The following SOX5 variants were observed in gnomAD, a reference collection of about 807,000 sequenced individuals.
SOX5 encodes transcription factor SOX-5.
SOX5 carries 9 observed loss-of-function variants against 92.0 expected under a neutral mutation model. The ratio of observed to expected loss-of-function variants is 0.10; its 90% CI spans 0.06 to 0.17. The LOEUF is 0.17. Among genes scored for constraint, SOX5 ranks in the 10% least tolerant of loss-of-function variants. The pLI is 1.00. For synonymous variants in SOX5, 344 were observed against 336.3 expected (o/e 1.02, Z -0.25); for missense variants, 642 against 944.5 (o/e 0.68, Z 4.20).
intron 1 of SOX5, among the ~76,000 whole-genome samples, chr12:24,434,010 T>A (rs1938913744): frequency 6.6e-6 from 1 of 152,154 alleles, no homozygotes; most frequent in South Asian, 2.1e-4. Context: ...AATGCTCAGG[T>A]AAGCAGAAAA....
chr12:24,026,339 A>T (rs1954863366), intron 4 of SOX5, among the ~76,000 whole-genome samples: 1 of 152,070 alleles, frequency 6.6e-6, no homozygotes, highest in Non-Finnish European at 1.5e-5. Flanking sequence ...GATATCCAAG[A>T]ACTTTTTAAA....
intron 1 of SOX5, among the ~76,000 whole-genome samples, chr12:24,371,336 A>G (rs764325741): frequency 6.6e-6 from 1 of 152,188 alleles, no homozygotes; most frequent in Non-Finnish European, 1.5e-5. Context: ...TCGGAGACAG[A>G]TTTTTCCCCC....
At chr12:24,471,252 A>G (rs1047405568) in intron 1 of SOX5, among the ~76,000 whole-genome samples, 8 of 152,212 alleles carry the variant, frequency 5.3e-5, no homozygotes, top group African/African-American at 1.7e-4. Flanking sequence ...TTTAAACTTT[A>G]GTTAACCAGA....
At chr12:24,371,953 A>C (rs1234603111) in intron 1 of SOX5, among the ~76,000 whole-genome samples, 4 of 151,720 alleles carry the variant, frequency 2.6e-5, no homozygotes, top group African/African-American at 9.7e-5. Flanking sequence ...ATGCCACTGC[A>C]CTCTAGCGTG....
At chr12:24,125,462 T>C (rs914536091) in intron 4 of SOX5, among the ~76,000 whole-genome samples, 1 of 152,214 alleles carries the variant, frequency 6.6e-6, no homozygotes, top group Non-Finnish European at 1.5e-5. Flanking sequence ...TCTGTGGTAA[T>C]ACATTGCTAA....
At chr12:24,448,216 A>C (rs1214939950) in intron 1 of SOX5, among the ~76,000 whole-genome samples, 1 of 152,194 alleles carries the variant, frequency 6.6e-6, no homozygotes, top group African/African-American at 2.4e-5. Context: ...ATGTCATATG[A>C]GATGCAACTA....
At chr12:24,364,780 T>C (rs941536041) in intron 2 of SOX5, among the ~76,000 whole-genome samples, 3 of 152,072 alleles carry the variant, frequency 2.0e-5, no homozygotes, top group East Asian at 1.9e-4. Flanking sequence ...TGTAAACATA[T>C]GTTGTAACCT....
Position 24,171,734 on chromosome 12 carries a change from A to T in SOX5, c.-2+41609T>A, listed in dbSNP as rs139751232. ...ACCCTTTGGCCAGGTGCAGTGGCTC[A>T]TGCCTGTAATCTCAGCACATTGGGA... On this transcript the variant is annotated intron_variant, in intron 4 of 4. Coordinates refer to the SOX5 transcript ENST00000446891. Among the ~76,000 whole-genome samples the T allele has an allele frequency of 6.5e-3, 997 of 152,236 alleles. 14 individuals are homozygous for T. Among genetic ancestry groups the T allele is most frequent in the Non-Finnish European group, 8.0e-3 (544 of 68,014 alleles).
At chr12:24,126,919 T>G (rs1479292808) in intron 4 of SOX5, among the ~76,000 whole-genome samples, 1 of 152,208 alleles carries the variant, frequency 6.6e-6, no homozygotes, top group Non-Finnish European at 1.5e-5. Context: ...AACTACATCC[T>G]GTTTCAGATC....
intron 1 of SOX5, among the ~76,000 whole-genome samples, chr12:24,559,274 A>G (rs1954109422): frequency 6.6e-6 from 1 of 152,210 alleles, no homozygotes; most frequent in Non-Finnish European, 1.5e-5. Flanking sequence ...TCAAAACTCC[A>G]ATTATAGCAT....
At chr12:24,361,000 GAC>G (rs1329880777) in intron 2 of SOX5, among the ~76,000 whole-genome samples, 4 of 152,194 alleles carry the variant, frequency 2.6e-5, no homozygotes, top group South Asian at 4.1e-4. Context: ...AGACGCTGAT[GAC>G]ACACTAAACA....
intron 4 of SOX5, among the ~76,000 whole-genome samples, chr12:24,196,735 C>T (rs1957046023): frequency 6.6e-6 from 1 of 152,034 alleles, no homozygotes; most frequent in South Asian, 2.1e-4. Context: ...AAAACTCCAT[C>T]TCAACAAAAA....
chr12:23,745,223 C>T (rs2093941128), intron 4 of SOX5, among the ~76,000 whole-genome samples: 1 of 152,128 alleles, frequency 6.6e-6, no homozygotes, highest in African/African-American at 2.4e-5. Context: ...TTAGAGAGAG[C>T]ACTTTTTCCA....
chr12:23,622,399 A>G (rs563138560), intron 8 of SOX5, among the ~76,000 whole-genome samples: 30 of 152,254 alleles, frequency 2.0e-4, no homozygotes, highest in Admixed American at 1.7e-3. Context: ...TTTTAAAAAA[A>G]TCTAATATTT....
intron 4 of SOX5, among the ~76,000 whole-genome samples, chr12:24,174,736 G>A (rs1022982139): frequency 2.0e-5 from 3 of 151,912 alleles, no homozygotes; most frequent in African/African-American, 4.8e-5. Context: ...AAGGAGAATC[G>A]CTTGAACCAG....
At chr12:23,981,897 C>A (rs1044503304) in intron 4 of SOX5, among the ~76,000 whole-genome samples, 2 of 152,082 alleles carry the variant, frequency 1.3e-5, no homozygotes, top group Non-Finnish European at 2.9e-5. Flanking sequence ...GTTCTTTACA[C>A]ACTGATATGT....
At chr12:24,078,270 G>A (rs1942896284) in intron 4 of SOX5, among the ~76,000 whole-genome samples, 1 of 151,990 alleles carries the variant, frequency 6.6e-6, no homozygotes, top group Admixed American at 6.6e-5. Context: ...GAGAGAGAGA[G>A]AACTTTGTGA....
intron 3 of SOX5, among the ~76,000 whole-genome samples, chr12:23,792,096 A>G (rs1233311795): frequency 1.3e-5 from 2 of 152,070 alleles, no homozygotes; most frequent in Non-Finnish European, 2.9e-5. Flanking sequence ...AAATTATAAT[A>G]TAGAAAGTTA....
chr12:23,952,040 T>C (rs888337084), upstream of SOX5, among the ~76,000 whole-genome samples: 1 of 152,188 alleles, frequency 6.6e-6, no homozygotes. Context: ...ATGGTTGTTA[T>C]GAGAATTAGG....
Sources: gnomAD v4.1 joint callset for allele counts (sites outside exome capture counted in the v4.1 genomes callset) on GRCh38, gnomAD v4.1.1 for gene constraint, MANE v1.5 for transcripts, NCBI Gene and HGNC (gene_info 2026-07-23, HGNC 2026-07-21) for gene names.